The following PCDHGB3 variants were observed in gnomAD, a reference collection of about 807,000 sequenced individuals.
PCDHGB3 encodes protocadherin gamma subfamily B, 3.
A neutral mutation model predicts 59.2 loss-of-function variants in PCDHGB3; 40 were observed. The observed-to-expected ratio is 0.68, with a 90% CI of 0.52 to 0.88. PCDHGB3 has a LOEUF of 0.88. Ranked by LOEUF, PCDHGB3 falls within the 40% of genes least tolerant of loss-of-function variation. PCDHGB3 has a pLI of 0.00. For synonymous variants in PCDHGB3, 581 were observed against 503.6 expected, an observed-to-expected ratio of 1.15 and a Z score of -2.06; for missense variants, 1,309 against 1,187.9, an observed-to-expected ratio of 1.10 and a Z score of -1.50.
In PCDHGB3 at chr5:141,433,040, A is replaced by ACGGACT. The variant is rs753119003; in HGVS notation, c.2415+60234_2415+60239dup. The ACGGACT allele has an allele frequency of 8.1e-6, 13 of 1,614,088 alleles. No homozygotes were observed. In the African/African-American group the frequency reaches 1.7e-4, roughly 22 times the overall value. On this transcript the variant is annotated intron_variant, in intron 1 of 3. Transcript: ENST00000576222. ...CTATTCCCACGAGGTTTCCCTCACC[A>ACGGACT]CGGACTCGCGGAAGAGTCACCTGAT...
Position 141,489,427 on chromosome 5 carries a change from C to A in PCDHGB3, c.2416-5380C>A. ...AAAGATGACAGATCTGTTGAGCCGG[C>A]GGCTGCAATTGGGCTCTGAGGAGAA... On this transcript the variant is annotated intron_variant, in intron 1 of 3. Coordinates refer to ENST00000576222, the MANE Select transcript of PCDHGB3 (RefSeq NM_018924.5). This position sits in a 1 kb window ranked among gnomAD's most constrained non-coding sequence, Gnocchi z 4.5. The A allele has an allele frequency of 6.2e-7, 1 of 1,614,108 alleles. No individual in the cohort carries two copies. The highest frequency in any genetic ancestry group is 1.1e-5 in the South Asian group (1 of 91,086).
chr5:141,444,472 C>A (rs559334960), intron 1 of PCDHGB3, among the ~76,000 whole-genome samples: 2 of 151,850 alleles, frequency 1.3e-5, no homozygotes, highest in Non-Finnish European at 2.9e-5. Context: ...CGCCCGGTCG[C>A]GTACTGGATT....
At chr5:141,419,433 T>A (rs1333004780) in intron 1 of PCDHGB3, 6 of 1,613,246 alleles carry the variant, frequency 3.7e-6, no homozygotes, top group Non-Finnish European at 5.1e-6. Flanking sequence ...CACGAGCAGC[T>A]GCGCACCTTC....
In PCDHGB3 at chr5:141,372,067, A is replaced by G. The variant is rs1209515606; in HGVS notation, c.1673A>G (p.Asn558Ser). 1.2e-6 allele frequency: 2 copies of G among 1,613,450 alleles called. No individual in the cohort carries two copies. Among genetic ancestry groups the G allele is most frequent in the Admixed American group, 1.7e-5 (1 of 60,000 alleles). ...LRVLVDDRND[N>S]APLVLYPALG... ...GTGTTGGTGGACGACCGCAACGACA[A>G]TGCACCGCTGGTGCTGTACCCAGCT... The change falls in exon 1 of 4, where the codon AAT becomes AGT. Residue 558 changes from asparagine to serine, a missense_variant. Physicochemically the swap from Asn to Ser is conservative, Grantham distance 46 (BLOSUM62 1). Transcript: ENST00000576222.
chr5:141,428,173 C>G, intron 1 of PCDHGB3: 1 of 1,514,730 alleles, frequency 6.6e-7, no homozygotes. Context: ...CTGTGCGTGA[C>G]GGAGGACAGC....
chr5:141,381,355 C>A (rs1431564536), intron 1 of PCDHGB3, among the ~76,000 whole-genome samples: 1 of 152,222 alleles, frequency 6.6e-6, no homozygotes, highest in Non-Finnish European at 1.5e-5. Flanking sequence ...TTTCTGCTAG[C>A]AGAGGGTAGC....
In PCDHGB3 at chr5:141,481,399, T is replaced by G. The variant is rs35677249; in HGVS notation, c.2416-13408T>G. 1.9e-3 allele frequency among the ~76,000 whole-genome samples: 284 copies of G among 152,356 alleles called. 1 individual carries two copies. Among genetic ancestry groups the G allele is most frequent in the Middle Eastern group, 0.01 (3 of 294 alleles). ...TTCTTTTTGGAGGGATGTGACAAAA[T>G]TCTTGTATAATTAGATTGTGATGAT... is the stretch of plus-strand genomic sequence containing the variant. On this transcript the variant is annotated intron_variant, in intron 1 of 3. Transcript: ENST00000576222.
At chr5:141,428,437 C>A in intron 1 of PCDHGB3, 1 of 400,386 alleles carries the variant, frequency 2.5e-6, no homozygotes, top group South Asian at 2.4e-5. Flanking sequence ...TAAGACTAGA[C>A]CAGGGGTTTT....
chr5:141,421,426 A>G, intron 1 of PCDHGB3: 2 of 1,614,104 alleles, frequency 1.2e-6, no homozygotes, highest in South Asian at 1.1e-5. Context: ...CGGAGTCCGC[A>G]TCGTCTCCAG....
intron 1 of PCDHGB3, chr5:141,389,391 G>A (rs544096177): frequency 1.2e-6 from 2 of 1,613,686 alleles, no homozygotes; most frequent in East Asian, 2.2e-5. Flanking sequence ...GTCATCCTAC[G>A]TGTCCATAAG....
At chr5:141,470,574 CA>C (rs1369567985) in intron 1 of PCDHGB3, among the ~76,000 whole-genome samples, 1 of 152,188 alleles carries the variant, frequency 6.6e-6, no homozygotes, top group Non-Finnish European at 1.5e-5. Flanking sequence ...CAAGCAGGAT[CA>C]ACTTCATAGG....
In PCDHGB3 at chr5:141,418,980, A is replaced by G; in HGVS notation, c.2415+46171A>G. 1 of 1,614,004 alleles carries G rather than the reference A, an allele frequency of 6.2e-7. No individual in the cohort carries two copies. ...GTTGCCCTCTTCAAAACACGGGACC[A>G]AGACTCAGGGGAAAATGGGGAAGTC... On this transcript the variant is annotated intron_variant, in intron 1 of 3. Transcript: ENST00000576222.
Position 141,393,179 on chromosome 5 carries a change from A to T in PCDHGB3, c.2415+20370A>T, listed in dbSNP as rs375085176. 8.7e-6 allele frequency: 14 copies of T among 1,613,202 alleles called. 2 individuals are homozygous for T. In the East Asian group the frequency reaches 2.5e-4, roughly 28 times the overall value. ...GAAAACTCTTTGGGGTAGAAATAGA[A>T]ATAATTGATATTAACGATAATAACC... On this transcript the variant is annotated intron_variant, in intron 1 of 3. Coordinates refer to ENST00000576222, the MANE Select transcript of PCDHGB3 (RefSeq NM_018924.5).
chr5:141,476,711 G>C lies in PCDHGB3; in HGVS notation c.2416-18096G>C. 1 of 1,614,194 alleles carries C rather than the reference G, an allele frequency of 6.2e-7. No individual in the cohort carries two copies. The highest frequency in any genetic ancestry group is 8.5e-7 in the Non-Finnish European group (1 of 1,180,042). On this transcript the variant is annotated intron_variant, in intron 1 of 3. Coordinates refer to ENST00000576222, the MANE Select transcript of PCDHGB3 (RefSeq NM_018924.5). This position sits in a 1 kb window ranked among gnomAD's most constrained non-coding sequence, Gnocchi z 7.6. ...CACCAAGTACGCGGAGCTGGTGTTG[G>C]AGCGCGCCCTGGACCGAGAACGGGA...
intron 1 of PCDHGB3, chr5:141,418,621 C>T: frequency 6.2e-7 from 1 of 1,614,034 alleles, no homozygotes; most frequent in Non-Finnish European, 8.5e-7. Flanking sequence ...TTCGGGAAGA[C>T]GTGCCTCCAG....
At chr5:141,397,843 C>A (rs1200465582) in intron 1 of PCDHGB3, 7 of 522,606 alleles carry the variant, frequency 1.3e-5, no homozygotes, top group Non-Finnish European at 2.0e-5. Context: ...CTTGAAGCCG[C>A]AGAGGCTGTA....
chr5:141,375,656 T>C (rs891549331), intron 1 of PCDHGB3: 2 of 1,614,080 alleles, frequency 1.2e-6, no homozygotes, highest in Non-Finnish European at 1.7e-6. Flanking sequence ...CTATGAGCAG[T>C]TGAGAGACCT....
rs1333419586 is a variant in PCDHGB3 at position 141,485,206 on chromosome 5, C to T, written c.2416-9601C>T. 1 of 1,614,116 alleles carries T rather than the reference C, an allele frequency of 6.2e-7. No individual in the cohort carries two copies. The highest frequency in any genetic ancestry group is 8.5e-7 in the Non-Finnish European group (1 of 1,179,946). ...GCAAGGTGAGAAGCTGGACAGAAAT[C>T]TGGCGGTGGGCTACCCTTTTGTTCC... On this transcript the variant is annotated intron_variant, in intron 1 of 3. Coordinates refer to ENST00000576222, the MANE Select transcript of PCDHGB3 (RefSeq NM_018924.5). The surrounding 1 kb of genome is among the most constrained non-coding windows in gnomAD (Gnocchi z 5.7).
chr5:141,418,618 A>T, intron 1 of PCDHGB3: 5 of 1,614,046 alleles, frequency 3.1e-6, no homozygotes, highest in Non-Finnish European at 4.2e-6. Context: ...GCCTTCGGGA[A>T]GACGTGCCTC....
Sources: gnomAD v4.1 joint callset for allele counts (sites outside exome capture counted in the v4.1 genomes callset) on GRCh38, gnomAD v4.1.1 for gene constraint, Gnocchi (gnomAD v3.1) non-coding constraint, MANE v1.5 for transcripts, NCBI Gene and HGNC (gene_info 2026-07-23, HGNC 2026-07-21) for gene names.